HAUS5: variants seen among roughly 807,000 people sequenced by gnomAD.
HAUS5 encodes the protein HAUS augmin-like complex subunit 5.
A neutral mutation model predicts 94.1 loss-of-function variants in HAUS5; 67 were observed. The observed-to-expected ratio is 0.71, with a 90% confidence interval of 0.58 to 0.87. The LOEUF (loss-of-function observed/expected upper bound fraction) is 0.87, where lower values mean the gene tolerates loss of function less well. Among genes scored for constraint, HAUS5 ranks in the 40% least tolerant of loss-of-function variants. HAUS5 has a pLI of 0.00. For missense variants in HAUS5, 739 were observed against 825.6 expected, an observed-to-expected ratio of 0.90 and a Z score of 1.29; for synonymous variants, 339 against 355.4, an observed-to-expected ratio of 0.95 and a Z score of 0.52.
rs369513611 is a variant in HAUS5, at chr19:35,618,523, A to G, written c.886-46A>G. On this transcript the variant is annotated intron_variant, in intron 11 of 18. Transcript: ENST00000203166. ...CAAGACTTCCTTAATCCCCTCACCC[A>G]TGGATCATGCCCTGGGTGTACCCTG... is the stretch of plus-strand genomic sequence containing the variant. The G allele has an allele frequency of 2.5e-6, 4 of 1,612,730 alleles. No individual in the cohort carries two copies. In the African/African-American group the frequency reaches 5.4e-5, roughly 22 times the overall value.
chr19:35,613,608 G>T (rs2071914611), intron 1 of HAUS5, 122 bp from the exon 2 acceptor site: 2 of 766,722 alleles, frequency 2.6e-6, no homozygotes, highest in East Asian at 5.4e-5. Flanking sequence ...AAAAGTTTGG[G>T]CCTTCCCTCC....
chr19:35,618,035 C>T, intron 9 of HAUS5, 36 bp from the exon 10 acceptor site: 1 of 1,584,730 alleles, frequency 6.3e-7, no homozygotes, highest in Non-Finnish European at 8.6e-7. Flanking sequence ...CAGCCCTGCC[C>T]CGATCCTGCC....
In HAUS5 at chr19:35,615,272, G is replaced by T. The variant is rs766423063; in HGVS notation, c.371G>T (p.Arg124Leu). 6 of 1,614,042 alleles carry T rather than the reference G, an allele frequency of 3.7e-6. No homozygotes were observed. The highest frequency in any genetic ancestry group is 5.1e-6 in the Non-Finnish European group (6 of 1,180,014). The stretch of plus-strand genomic sequence containing the variant: ...CGTCAGCACACTCAAGACACCCAGC[G>T]TCGAGCTCTCCTCCTCCGGGCCCAA... ...QARQHTQDTQ[R>L]RALLLRAQAG... Residue 124 changes from arginine (R) to leucine (L), a missense_variant, in exon 6 of 19, where the codon CGT becomes CTT. Coordinates refer to ENST00000203166, the MANE Select transcript of HAUS5 (RefSeq NM_015302.2).
chr19:35,615,539 A>T (rs1390725525), intron 6 of HAUS5, among the ~76,000 whole-genome samples, 153 bp downstream of exon 6: 1 of 152,132 alleles, frequency 6.6e-6, no homozygotes, highest in African/African-American at 2.4e-5. Flanking sequence ...CATCTCAGTC[A>T]CCTGTATTTT....
chr19:35,618,092 C>A lies in HAUS5; in HGVS notation c.718C>A (p.Pro240Thr), dbSNP rs1162942864. The change falls in exon 10 of 19, where the codon CCA (proline) becomes ACA (threonine). Residue 240 changes from proline (P) to threonine (T), a missense_variant. Transcript: ENST00000203166. ...CTAGACGCTGCTGACAAACCACCCC[C>A]CAGGCCACGTCCTGGCTGCCTTGGA... is the stretch of plus-strand genomic sequence containing the variant. ...SVETLLTNHP[P>T]GHVLAALEHL... is the part of the protein sequence containing the mutation. 4 of 1,601,810 alleles carry A rather than the reference C, an allele frequency of 2.5e-6. No homozygotes were observed.
chr19:35,617,946 C>T (rs1002300687), intron 9 of HAUS5, 34 bp downstream of exon 9: 5 of 1,611,006 alleles, frequency 3.1e-6, no homozygotes, highest in Non-Finnish European at 4.2e-6. Flanking sequence ...AAGCCACACC[C>T]TCCCGCTCCT....
At position 35,624,145 on chromosome 19, in the gene HAUS5, C is replaced by G. The variant is rs1967267223; in HGVS notation, c.*1152C>G. 1 of 110,900 alleles carries G rather than the reference C, an allele frequency of 9.0e-6. No homozygotes were observed. Among genetic ancestry groups the G allele is most frequent in the African/African-American group, 3.5e-5 (1 of 28,312 alleles). 6.9% of individuals were successfully genotyped at this position (110,900 alleles called of 1,614,324 possible). A position where few individuals can be genotyped will look rare whatever the true frequency, so the allele number is the denominator to read the frequency against. On this transcript the variant is annotated 3_prime_UTR_variant, in exon 19 of 19. Coordinates refer to ENST00000203166, the MANE Select transcript of HAUS5 (RefSeq NM_015302.2). ...TTTGAGATGCAGTCTCATTCTGTTG[C>G]CCAAGTTGGAGTGCAGTGGCATGAT...
rs1178534305 is a variant in HAUS5, at chr19:35,622,883, C to G, written c.1792C>G (p.Gln598Glu). The change falls in exon 19 of 19, where the codon CAG becomes GAG. Residue 598 changes from glutamine to glutamate, a missense_variant. Gln to Glu is a conservative substitution (Grantham distance 29). Transcript: ENST00000203166. ...CGCCATGCCATTCCCCAGGTGGGAG[C>G]AGCCAGGCCAGGCCGCCCTCTCTGA... ...LQGIVGDWWE[Q>E]PGQAALSEEL... is the part of the protein sequence containing the mutation. 1.2e-6 allele frequency: 2 copies of G among 1,613,566 alleles called. No individual in the cohort carries two copies. The highest frequency in any genetic ancestry group is 1.7e-6 in the Non-Finnish European group (2 of 1,179,632).
At position 35,624,510 on chromosome 19, in the gene HAUS5, G is replaced by A. The variant is rs1967275441; in HGVS notation, c.*1517G>A. 6.6e-6 allele frequency: 1 copy of A among 151,880 alleles called. No homozygotes were observed. 9.4% of individuals were successfully genotyped at this position (151,880 alleles called of 1,614,324 possible). A position where few individuals can be genotyped will look rare whatever the true frequency, so the allele number is the denominator to read the frequency against. On this transcript the variant is annotated 3_prime_UTR_variant, in exon 19 of 19. Transcript: ENST00000203166. ...TGGCTGTTTCCCAGGCTGAAGTGCAGTGGCATGAACTCAGCTCACTGCAAC... is the reference window on the plus strand; with the variant it reads ...TGGCTGTTTCCCAGGCTGAAGTGCAATGGCATGAACTCAGCTCACTGCAAC...
In HAUS5 at chr19:35,623,837, GA is replaced by G. The variant is rs1967258946; in HGVS notation, c.*845del. On this transcript the variant is annotated 3_prime_UTR_variant, in exon 19 of 19. Coordinates refer to ENST00000203166, the MANE Select transcript of HAUS5 (RefSeq NM_015302.2). The stretch of plus-strand genomic sequence containing the variant: ...GTGCTGTGTCAAGAGCAGCGGCGGT[GA>G]CGCAGGTGTAGAGATTTGTCAGAGC... 6.6e-6 allele frequency: 1 copy of G among 152,224 alleles called. No individual in the cohort carries two copies. Among genetic ancestry groups the G allele is most frequent in the African/African-American group, 2.4e-5 (1 of 41,450 alleles). The allele number at this position is 152,224 out of a possible 1,614,324, so 9.4% of individuals were successfully genotyped here.
rs376044773 is a variant in HAUS5 at position 35,619,742 on chromosome 19, C to A, written c.1390C>A (p.Arg464=). Residue 464 remains arginine, a synonymous_variant, in exon 15 of 19, where the codon CGG becomes AGG. Coordinates refer to ENST00000203166, the MANE Select transcript of HAUS5 (RefSeq NM_015302.2). ...CCACATTCTGTTGGGCACGCTGCTG[C>A]GGCACAGGCCGGGAGAGTGAGACTG... is the stretch of plus-strand genomic sequence containing the variant. The part of the protein sequence containing the change: ...LPHILLGTLL[R]HRPGELKPLP... The A allele has an allele frequency of 1.9e-6, 3 of 1,554,276 alleles. No individual in the cohort carries two copies. In the South Asian group the frequency reaches 3.6e-5, roughly 19 times the overall value.
In HAUS5 at chr19:35,619,631, C is replaced by G. The variant is rs367892983; in HGVS notation, c.1279C>G (p.Arg427Gly). 6.3e-7 allele frequency: 1 copy of G among 1,591,510 alleles called. No individual in the cohort carries two copies. The highest frequency in any genetic ancestry group is 8.5e-7 in the Non-Finnish European group (1 of 1,169,746). Reference protein sequence around the residue: ...SPGEVLALVQRKVVPTFEAVA... With the variant: ...SPGEVLALVQGKVVPTFEAVA... ...CCCACAGGTGCTAGCTCTGGTCCAG[C>G]GAAAGGTGGTCCCTACATTTGAGGC... Residue 427 changes from arginine to glycine, a missense_variant, in exon 15 of 19, where the codon CGA becomes GGA. Coordinates refer to ENST00000203166, the MANE Select transcript of HAUS5 (RefSeq NM_015302.2).
At chr19:35,614,214 C>G (rs1189902535) in intron 4 of HAUS5, 155 bp downstream of exon 4, 43 of 711,752 alleles carry the variant, frequency 6.0e-5, no homozygotes, top group Non-Finnish European at 9.9e-5. Flanking sequence ...CCAGTGGAAA[C>G]AGCATTAGCT....
At position 35,617,252 on chromosome 19, in the gene HAUS5, G is replaced by T. The variant is rs201529245; in HGVS notation, c.556-35G>T. 1.4e-4 allele frequency: 224 copies of T among 1,607,350 alleles called. No individual in the cohort carries two copies. The African/African-American group carries it at 2.8e-3, about 20-fold the overall frequency. On this transcript the variant is annotated intron_variant, in intron 7 of 18. Coordinates refer to ENST00000203166, the MANE Select transcript of HAUS5 (RefSeq NM_015302.2). ...AGCCTGGAGTCAGGCAGATGCTAGGGTCCCCCTCAGGTCCCTTCCTCCTCT... is the reference window on the plus strand; with the variant it reads ...AGCCTGGAGTCAGGCAGATGCTAGGTTCCCCCTCAGGTCCCTTCCTCCTCT...
chr19:35,621,680 G>C (rs1254879760), intron 17 of HAUS5, among the ~76,000 whole-genome samples: 3 of 152,198 alleles, frequency 2.0e-5, no homozygotes, highest in East Asian at 3.9e-4. Context: ...GAGTCATCCT[G>C]AATTTCTCCA....
At chr19:35,617,468 G>A (rs1343090210) in intron 8 of HAUS5, 99 bp downstream of exon 8, 10 of 769,098 alleles carry the variant, frequency 1.3e-5, no homozygotes, top group Admixed American at 4.8e-5. Context: ...TCTGGGCTAC[G>A]TTCTGTAGAA....
intron 17 of HAUS5, among the ~76,000 whole-genome samples, chr19:35,621,829 G>A (rs1017405658): frequency 3.3e-5 from 5 of 152,116 alleles, no homozygotes; most frequent in South Asian, 2.1e-4. Flanking sequence ...AGCCAGTGTC[G>A]TGATCAAGGT....
chr19:35,618,084 A>G lies in HAUS5; in HGVS notation c.710A>G (p.Asn237Ser). The part of the protein sequence containing the change: ...WLSSVETLLT[N>S]HPPGHVLAAL... ...CCCTCCCCCTAGACGCTGCTGACAA[A>G]CCACCCCCCAGGCCACGTCCTGGCT... Residue 237 changes from asparagine (N) to serine (S), a missense_variant, in exon 10 of 19, where the codon AAC (asparagine) becomes AGC (serine). Coordinates refer to ENST00000203166, the MANE Select transcript of HAUS5 (RefSeq NM_015302.2). 6.3e-7 allele frequency: 1 copy of G among 1,593,788 alleles called. No homozygotes were observed. Among genetic ancestry groups the G allele is most frequent in the Non-Finnish European group, 8.6e-7 (1 of 1,168,222 alleles).
At chr19:35,618,312 T>C in intron 10 of HAUS5, 90 bp from the exon 11 acceptor site, 1 of 1,602,678 alleles carries the variant, frequency 6.2e-7, no homozygotes, top group Non-Finnish European at 8.5e-7. Context: ...ACCCACTGCC[T>C]GGTGGGGTGG....
Sources: gnomAD v4.1 joint callset for allele counts (sites outside exome capture counted in the v4.1 genomes callset) on GRCh38, gnomAD v4.1.1 for gene constraint, MANE v1.5 for transcripts, NCBI Gene and HGNC (gene_info 2026-07-23, HGNC 2026-07-21) for gene names.